EDA: variants seen among roughly 807,000 people sequenced by gnomAD.
EDA encodes the protein ectodysplasin A, also known as ectodysplasin-A.
In EDA, 2 loss-of-function variants were observed where a neutral mutation model predicts 23.6. The observed-to-expected ratio is 0.08, with a 90% confidence interval of 0.03 to 0.27. EDA has a LOEUF of 0.27. Among genes scored for constraint, EDA ranks in the 10% least tolerant of loss-of-function variants. EDA has a pLI of 1.00. For synonymous variants in EDA, 131 were observed against 132.0 expected (o/e 0.99, Z 0.05); for missense variants, 229 against 324.2 (o/e 0.71, Z 2.26).
At chrX:69,681,072 C>G (rs1934327855) in intron 1 of EDA, among the ~76,000 whole-genome samples, 1 of 110,058 alleles carries the variant, frequency 9.1e-6, no homozygotes, top group African/African-American at 3.3e-5. Context: ...ATTTCTCCTT[C>G]ACTTATGAAG....
At chrX:69,667,119 C>CTTTTTTTTTTTTT (rs35090201) in intron 1 of EDA, among the ~76,000 whole-genome samples, 2 of 86,396 alleles carry the variant, frequency 2.3e-5, no homozygotes, top group East Asian at 3.9e-4. Context: ...TTTTCTTTTT[C>CTTTTTTTTTTTTT]TTTTTTTTTT....
At position 69,711,473 on chromosome X, in the gene EDA, G is replaced by A. The variant is rs896914884; in HGVS notation, c.396+94769G>A. ...AATTCTCTTTTTTGGTTGTGTCTCC[G>A]CCAGGCTTTGGTATCAGGATGATGC... is the stretch of plus-strand genomic sequence containing the variant. On this transcript the variant is annotated intron_variant, in intron 1 of 7. Coordinates refer to ENST00000374552, the MANE Select transcript of EDA (RefSeq NM_001399.5). Among the ~76,000 whole-genome samples, 30 of 111,244 alleles carry A rather than the reference G, an allele frequency of 2.7e-4. 1 individual carries two copies. The highest frequency in any genetic ancestry group is 3.8e-4 in the Admixed American group (4 of 10,414).
At chrX:69,825,095 T>A (rs200007784) in intron 1 of EDA, among the ~76,000 whole-genome samples, 18,140 of 94,560 alleles carry the variant, frequency 0.19, 1,777 homozygotes, top group African/African-American at 0.26. Context: ...CTGGATTTGG[T>A]TTGCCAGTAT....
rs2014240907 is a variant in EDA, at chrX:69,759,778, A to G, written c.396+143074A>G. 1.8e-5 allele frequency among the ~76,000 whole-genome samples: 2 copies of G among 110,505 alleles called. 1 individual carries two copies. The highest frequency in any genetic ancestry group is 3.8e-5 in the Non-Finnish European group (2 of 52,896). On this transcript the variant is annotated intron_variant, in intron 1 of 7. Coordinates refer to ENST00000374552, the MANE Select transcript of EDA (RefSeq NM_001399.5). ...TGGAGAGGGAGTGGCCCAGGTGTGC[A>G]AAGAAGTTGAAGGCTGTTCTTTTGG...
At chrX:69,682,646 TC>T in intron 1 of EDA, among the ~76,000 whole-genome samples, 1 of 112,086 alleles carries the variant, frequency 8.9e-6, no homozygotes. Context: ...CCCTTGGGCT[TC>T]CCGAGTGAGG....
intron 1 of EDA, among the ~76,000 whole-genome samples, chrX:69,710,499 G>A (rs1368100359): frequency 9.0e-6 from 1 of 110,665 alleles, no homozygotes; most frequent in Non-Finnish European, 1.9e-5. Context: ...GGTTCCATAT[G>A]AACTTTAGTT....
At chrX:69,647,620 A>G (rs1016442493) in intron 1 of EDA, among the ~76,000 whole-genome samples, 16 of 111,261 alleles carry the variant, frequency 1.4e-4, no homozygotes, top group Admixed American at 3.8e-4. Context: ...GCTTCTTTGC[A>G]CTGGGTTACA....
At chrX:69,856,259 GTGTGTGTGTGTGTGT>G (rs2017249044) in intron 1 of EDA, among the ~76,000 whole-genome samples, 2 of 86,192 alleles carry the variant, frequency 2.3e-5, no homozygotes, top group African/African-American at 8.1e-5. Flanking sequence ...TCCATGGTGT[GTGTGTGTGTGTGTGT>G]GTGTGTGTGT....
intron 1 of EDA, among the ~76,000 whole-genome samples, chrX:69,939,101 A>G (rs1417509832): frequency 9.0e-6 from 1 of 111,714 alleles, no homozygotes; most frequent in African/African-American, 3.3e-5. Context: ...TTCCATATAC[A>G]TTTTAGAATT....
chrX:69,789,318 C>A (rs1226996349), intron 1 of EDA, among the ~76,000 whole-genome samples: 1 of 112,322 alleles, frequency 8.9e-6, no homozygotes, highest in Non-Finnish European at 1.9e-5. Flanking sequence ...GGCTCCTCCC[C>A]AGAAGAGATG....
At chrX:69,853,220 A>G (rs930817127) in intron 1 of EDA, among the ~76,000 whole-genome samples, 12 of 112,245 alleles carry the variant, frequency 1.1e-4, no homozygotes, top group African/African-American at 3.9e-4. Flanking sequence ...GTGACAGGCA[A>G]ATTTGAAAAA....
intron 2 of EDA, among the ~76,000 whole-genome samples, chrX:69,976,697 G>A (rs1385017943): frequency 2.8e-5 from 3 of 108,708 alleles, no homozygotes; most frequent in African/African-American, 1.0e-4. Flanking sequence ...AAAACAAGGT[G>A]GATCTATTTC....
Position 69,618,051 on chromosome X carries a change from C to T in EDA, c.396+1347C>T, listed in dbSNP as rs1361342610. On this transcript the variant is annotated intron_variant, in intron 1 of 7. Coordinates refer to ENST00000374552, the MANE Select transcript of EDA (RefSeq NM_001399.5). ...GCAGACATGCTTCTCATACTTGAAA[C>T]TTTAAACATTGTAGCTAAACGATAA... Among the ~76,000 whole-genome samples, 6 of 111,547 alleles carry T rather than the reference C, an allele frequency of 5.4e-5. No individual in the cohort carries two copies. The Admixed American group carries it at 5.7e-4, about 11-fold the overall frequency.
In EDA at chrX:70,038,576, C is replaced by G. The variant is rs2020293870; in HGVS notation, c.*2967C>G. The G allele has an allele frequency of 1.8e-5, 2 of 111,123 alleles. No homozygotes were observed. The highest frequency in any genetic ancestry group is 6.6e-5 in the African/African-American group (2 of 30,440). 9.2% of individuals were successfully genotyped at this position (111,123 alleles called of 1,213,427 possible). A position where few individuals can be genotyped will look rare whatever the true frequency, so the allele number is the denominator to read the frequency against. ...TCAACAGCCAAGCTGGCACAAAAGA[C>G]AGCTGGCGGAGGCTGCTCGGCTACT... On this transcript the variant is annotated 3_prime_UTR_variant, in exon 8 of 8. Transcript: ENST00000374552.
At chrX:69,793,570 G>GTTTTTTTTTTTTTTT (rs67241807) in intron 1 of EDA, among the ~76,000 whole-genome samples, 9 of 58,772 alleles carry the variant, frequency 1.5e-4, no homozygotes, top group Admixed American at 2.3e-4. Flanking sequence ...GTTTGTTTTT[G>GTTTTTTTTTTTTTTT]TTTTTTTTTT....
chrX:69,622,458 A>G (rs917507214), intron 1 of EDA, among the ~76,000 whole-genome samples: 2 of 112,195 alleles, frequency 1.8e-5, no homozygotes, highest in Non-Finnish European at 3.8e-5. Context: ...ATTTCTCAGA[A>G]GACTGATGAG....
chrX:69,925,392 G>T (rs1467292224), intron 1 of EDA, among the ~76,000 whole-genome samples: 1 of 111,806 alleles, frequency 8.9e-6, no homozygotes, highest in Non-Finnish European at 1.9e-5. Context: ...GGCCTTTTCT[G>T]CATCTATTGA....
chrX:69,785,689 A>G (rs12557668), intron 1 of EDA, among the ~76,000 whole-genome samples: 38,724 of 105,045 alleles, frequency 0.37, 7,203 homozygotes, highest in Middle Eastern at 0.62. Flanking sequence ...GCTGAATTCG[A>G]TTTGCCAGTA....
intron 2 of EDA, among the ~76,000 whole-genome samples, chrX:69,980,663 G>A (rs2019391599): frequency 8.9e-6 from 1 of 112,141 alleles, no homozygotes; most frequent in African/African-American, 3.2e-5. Context: ...CTGTAATAAA[G>A]ATCTCAAGCT....
Sources: allele counts gnomAD v4.1 joint callset (sites outside exome capture counted in the v4.1 genomes callset), GRCh38; gene constraint gnomAD v4.1.1; transcripts MANE v1.5; gene names NCBI Gene and HGNC (gene_info 2026-07-23, HGNC 2026-07-21).